KSR2: variants seen among roughly 807,000 people sequenced by gnomAD.
The protein encoded by KSR2 is kinase suppressor of ras 2.
KSR2 carries 25 observed loss-of-function variants against 107.8 expected under a neutral mutation model. The ratio of observed to expected loss-of-function variants is 0.23; its 90% CI spans 0.17 to 0.32. The LOEUF (loss-of-function observed/expected upper bound fraction) is 0.32, where lower values mean the gene tolerates loss of function less well. Among genes scored for constraint, KSR2 ranks in the 10% least tolerant of loss-of-function variants. The pLI is 1.00. For missense variants in KSR2, 887 were observed against 1,268.9 expected, an observed-to-expected ratio of 0.70 and a Z score of 4.57; for synonymous variants, 480 against 507.0, an observed-to-expected ratio of 0.95 and a Z score of 0.71.
intron 4 of KSR2, among the ~76,000 whole-genome samples, chr12:117,690,622 A>C (rs1448640376): frequency 6.6e-6 from 1 of 152,172 alleles, no homozygotes; most frequent in African/African-American, 2.4e-5. Context: ...TTCCCTATCA[A>C]CTTGGAAAAC....
At chr12:117,786,766 A>G (rs189402303) in intron 3 of KSR2, among the ~76,000 whole-genome samples, 1 of 152,310 alleles carries the variant, frequency 6.6e-6, no homozygotes, top group East Asian at 1.9e-4. Flanking sequence ...CAGTGAAACG[A>G]GATCGCACCA....
At chr12:117,615,603 T>C (rs575280225) in intron 5 of KSR2, among the ~76,000 whole-genome samples, 1 of 152,296 alleles carries the variant, frequency 6.6e-6, no homozygotes, top group East Asian at 1.9e-4. Context: ...GAAAGATTCA[T>C]GTAGAGAGGA....
intron 7 of KSR2, among the ~76,000 whole-genome samples, chr12:117,574,621 G>A (rs529769023): frequency 9.2e-5 from 14 of 152,146 alleles, no homozygotes; most frequent in African/African-American, 2.4e-4. Flanking sequence ...ATCTCCTGCC[G>A]GGTCCCTCCC....
chr12:117,793,133 CACTA>C (rs1173966096), intron 3 of KSR2, among the ~76,000 whole-genome samples: 1 of 136,904 alleles, frequency 7.3e-6, no homozygotes, highest in East Asian at 2.4e-4. Context: ...TGCACACACA[CACTA>C]ACATGCATAT....
At chr12:117,792,490 TA>T (rs1890286957) in intron 3 of KSR2, among the ~76,000 whole-genome samples, 1 of 152,228 alleles carries the variant, frequency 6.6e-6, no homozygotes, top group African/African-American at 2.4e-5. Flanking sequence ...TGGGAGCCTC[TA>T]TCTCAGAGGA....
At chr12:117,930,295 A>G (rs945371346) in intron 1 of KSR2, among the ~76,000 whole-genome samples, 3 of 152,122 alleles carry the variant, frequency 2.0e-5, no homozygotes, top group Admixed American at 6.6e-5. Context: ...CAGCCACCCA[A>G]AGCGCTGGGA....
chr12:117,864,407 T>C (rs935121563), intron 1 of KSR2, among the ~76,000 whole-genome samples: 1 of 152,188 alleles, frequency 6.6e-6, no homozygotes, highest in African/African-American at 2.4e-5. Context: ...TAAATGTTGA[T>C]GTAAATGTGT....
rs141299504 is a variant in KSR2 at position 117,518,360 on chromosome 12, C to T, written c.2219+6492G>A. Among the ~76,000 whole-genome samples the T allele has an allele frequency of 9.2e-4, 140 of 152,284 alleles. 1 individual carries two copies. The highest frequency in any genetic ancestry group is 5.8e-3 in the South Asian group (28 of 4,818). On this transcript the variant is annotated intron_variant, in intron 14 of 19. Coordinates refer to ENST00000339824, the MANE Select transcript of KSR2 (RefSeq NM_173598.6). ...TGTTTAGGTAATGCCCCTAATACCTCGCCCCATCCTACCCCAATCCCTGGG... is the reference window on the plus strand; with the variant it reads ...TGTTTAGGTAATGCCCCTAATACCTTGCCCCATCCTACCCCAATCCCTGGG...
intron 3 of KSR2, among the ~76,000 whole-genome samples, chr12:117,837,639 G>A (rs769816361): frequency 2.0e-5 from 3 of 152,146 alleles, no homozygotes; most frequent in Non-Finnish European, 2.9e-5. Context: ...TTTACAAGTG[G>A]AGCTTGAAAA....
At chr12:117,892,228 C>T (rs149272905) in intron 1 of KSR2, among the ~76,000 whole-genome samples, 15 of 152,112 alleles carry the variant, frequency 9.9e-5, no homozygotes, top group African/African-American at 3.6e-4. Flanking sequence ...CACTTGAACC[C>T]GGGAGGCAGA....
chr12:117,695,760 C>T (rs1242887528), intron 4 of KSR2, among the ~76,000 whole-genome samples: 1 of 151,768 alleles, frequency 6.6e-6, no homozygotes, highest in African/African-American at 2.4e-5. Flanking sequence ...AGAAAGAGAT[C>T]TGTTGGCAAG....
In KSR2 at chr12:117,666,575, G is replaced by A. The variant is rs147437206; in HGVS notation, c.1171+899C>T. Among the ~76,000 whole-genome samples, 70 of 152,320 alleles carry A rather than the reference G, an allele frequency of 4.6e-4. No individual in the cohort carries two copies. The East Asian group carries it at 0.013, about 29-fold the overall frequency. ...ATGGGAATAATCCATCTGCATGAGG[G>A]ATTGTTTGCAAGAACTAAATGGGGC... On this transcript the variant is annotated intron_variant, in intron 5 of 19. Transcript: ENST00000339824.
Position 117,524,782 on chromosome 12 carries a change from AAAC to A in KSR2, c.2219+67_2219+69del. On this transcript the variant is annotated intron_variant, in intron 14 of 19. Coordinates refer to ENST00000339824, the MANE Select transcript of KSR2 (RefSeq NM_173598.6). ...TAACCAGAGTGGTCAAGTAAGCAGA[AAAC>A]CATTTCTCAACCATGCCAGAAGCAG... 2.6e-6 allele frequency: 4 copies of A among 1,527,134 alleles called. No individual in the cohort carries two copies. The South Asian group carries it at 5.3e-5, about 20-fold the overall frequency. The allele number at this position is 1,527,134 out of a possible 1,614,324, so 94.6% of individuals were successfully genotyped here.
intron 4 of KSR2, among the ~76,000 whole-genome samples, chr12:117,667,882 G>T (rs1427455530): frequency 2.0e-5 from 3 of 152,138 alleles, no homozygotes; most frequent in Non-Finnish European, 4.4e-5. Flanking sequence ...TGGAGCACAA[G>T]CAAACACTTC....
At chr12:117,848,831 GGTA>G (rs1385091364) in intron 3 of KSR2, among the ~76,000 whole-genome samples, 8 of 131,036 alleles carry the variant, frequency 6.1e-5, no homozygotes, top group South Asian at 2.8e-4. Flanking sequence ...TGGTGATGGT[GGTA>G]GTGGTGGTGA....
intron 3 of KSR2, among the ~76,000 whole-genome samples, chr12:117,795,036 C>T (rs1419559554): frequency 6.6e-6 from 1 of 152,218 alleles, no homozygotes; most frequent in Non-Finnish European, 1.5e-5. Context: ...TCATTTGCCA[C>T]AAGAGTGCCC....
rs1015925368 is a variant in KSR2 at position 117,457,093 on chromosome 12, G to A, written c.*10106C>T. ...TTCTTAGAAGGGCTGTGGAAGGATGGAGAGAATGACTGGAGATTTCAGCCC... is the reference window on the plus strand; with the variant it reads ...TTCTTAGAAGGGCTGTGGAAGGATGAAGAGAATGACTGGAGATTTCAGCCC... On this transcript the variant is annotated 3_prime_UTR_variant, in exon 20 of 20. Coordinates refer to ENST00000339824, the MANE Select transcript of KSR2 (RefSeq NM_173598.6). 3.9e-5 allele frequency: 6 copies of A among 152,258 alleles called. No individual in the cohort carries two copies. Among genetic ancestry groups the A allele is most frequent in the African/African-American group, 1.4e-4 (6 of 41,470 alleles). 9.4% of individuals were successfully genotyped at this position (152,258 alleles called of 1,614,324 possible).
intron 4 of KSR2, among the ~76,000 whole-genome samples, chr12:117,758,819 C>T (rs528263366): frequency 2.0e-5 from 3 of 152,200 alleles, no homozygotes; most frequent in South Asian, 2.1e-4. Flanking sequence ...GATCAAGTTT[C>T]GCCTTACTAA....
chr12:117,817,929 C>T (rs1260479286), intron 3 of KSR2, among the ~76,000 whole-genome samples: 1 of 151,856 alleles, frequency 6.6e-6, no homozygotes, highest in Non-Finnish European at 1.5e-5. Context: ...AGTAAAACCC[C>T]GTCTACACTA....
Sources: gnomAD v4.1 joint callset for allele counts (sites outside exome capture counted in the v4.1 genomes callset) on GRCh38, gnomAD v4.1.1 for gene constraint, MANE v1.5 for transcripts, NCBI Gene and HGNC (gene_info 2026-07-23, HGNC 2026-07-21) for gene names.